The following FAM161B variants were observed in gnomAD, a reference collection of about 807,000 sequenced individuals.
FAM161B encodes protein FAM161B.
A neutral mutation model predicts 61.5 loss-of-function variants in FAM161B; 46 were observed. That is an observed-to-expected ratio of 0.75 (90% CI 0.59 to 0.96). The LOEUF (loss-of-function observed/expected upper bound fraction) is 0.96. Ranked by LOEUF, FAM161B falls within the 40% of genes least tolerant of loss-of-function variation. FAM161B has a pLI of 0.00. For synonymous variants in FAM161B, 284 were observed against 302.7 expected (o/e 0.94, Z 0.64); for missense variants, 774 against 800.7 (o/e 0.97, Z 0.40).
Position 73,945,599 on chromosome 14 carries a change from T to G in FAM161B, c.374+687A>C, listed in dbSNP as rs568496784. ...ACCTGCCACCATGCCCGGCTAATTT[T>G]TTTATATTTTTAGTAGAGACGGGGT... On this transcript the variant is annotated intron_variant, in intron 2 of 8. Coordinates refer to ENST00000286544, the MANE Select transcript of FAM161B (RefSeq NM_152445.3). Among the ~76,000 whole-genome samples, 5 of 152,136 alleles carry G rather than the reference T, an allele frequency of 3.3e-5. No individual in the cohort carries two copies. The South Asian group carries it at 1.0e-3, about 32-fold the overall frequency.
At chr14:73,938,853 T>A (rs2055994311) in intron 5 of FAM161B, among the ~76,000 whole-genome samples, 2 of 152,166 alleles carry the variant, frequency 1.3e-5, no homozygotes, top group East Asian at 3.9e-4. Flanking sequence ...TTTTAATGAA[T>A]GGGGCATGTA....
At chr14:73,931,618 C>T, downstream of FAM161B, 1 of 1,322,802 alleles carries the variant, frequency 7.6e-7, no homozygotes, top group South Asian at 1.2e-5. Flanking sequence ...TGCCTTAGCC[C>T]ACAACAGAAC....
intron 8 of FAM161B, among the ~76,000 whole-genome samples, chr14:73,935,738 C>T (rs368764525): frequency 2.0e-5 from 3 of 152,052 alleles, no homozygotes; most frequent in East Asian, 1.9e-4. Flanking sequence ...TGGAAGAAAA[C>T]GAAACATAAT....
At chr14:73,934,470 A>C (rs2055954309) in intron 8 of FAM161B, 76 bp from the exon 9 acceptor site, 1 of 1,427,440 alleles carries the variant, frequency 7.0e-7, no homozygotes, top group Non-Finnish European at 9.4e-7. Context: ...CCCAGGCTGG[A>C]GTGCAGTGGC....
downstream of FAM161B, among the ~76,000 whole-genome samples, chr14:73,928,456 G>C (rs1021647996): frequency 1.3e-5 from 2 of 152,160 alleles, no homozygotes; most frequent in African/African-American, 4.8e-5. Context: ...TTTTATCCTG[G>C]GGGCACTGAA....
intron 3 of FAM161B, 66 bp from the exon 4 acceptor site, chr14:73,942,781 T>C (rs2056031333): frequency 2.1e-6 from 3 of 1,440,804 alleles, no homozygotes. Flanking sequence ...TTGGAGAACT[T>C]TCCCTCTTTT....
the FAM161B span, among the ~76,000 whole-genome samples, chr14:73,925,934 T>C: frequency 1.1e-4 from 17 of 152,098 alleles, no homozygotes; most frequent in Non-Finnish European, 7.4e-5. Context: ...CTCGGGAGGC[T>C]GAAGTAGGAG....
At chr14:73,944,931 G>T in intron 2 of FAM161B, 46 bp from the exon 3 acceptor site, 1 of 1,450,782 alleles carries the variant, frequency 6.9e-7, no homozygotes. Flanking sequence ...GCAGTCAGGA[G>T]GCCCTGCTCC....
At chr14:73,923,464 T>C in the FAM161B span, 3 of 1,614,066 alleles carry the variant, frequency 1.9e-6, no homozygotes, top group Admixed American at 1.7e-5. Context: ...CTGGTGACCA[T>C]GCAGTCAGGG....
In FAM161B at chr14:73,940,917, A is replaced by C. The variant is rs985654268; in HGVS notation, c.1400+9T>G. 13 of 1,605,238 alleles carry C rather than the reference A, an allele frequency of 8.1e-6. No individual in the cohort carries two copies. The highest frequency in any genetic ancestry group is 1.0e-5 in the Non-Finnish European group (12 of 1,176,284). On this transcript the variant is annotated intron_variant, in intron 5 of 8. Transcript: ENST00000286544. The stretch of plus-strand genomic sequence containing the variant: ...CAGAGCATGGGTCTCGTGCAGCCTG[A>C]CCACTCACCTGACTGCAGATTCCCT...
chr14:73,949,928 T>C (rs1242335840), intron 1 of FAM161B, 45 bp downstream of exon 1: 1 of 1,609,026 alleles, frequency 6.2e-7, no homozygotes, highest in South Asian at 1.1e-5. Context: ...AACAGTTTCC[T>C]CTCCGGGATT....
chr14:73,927,089 A>ATTT (rs113156661), downstream of FAM161B: 257 of 151,770 alleles, frequency 1.7e-3, no homozygotes, highest in South Asian at 4.7e-3. Context: ...GTTTATTATG[A>ATTT]TTTTTTTTTT....
rs2056118480 is a variant in FAM161B, at chr14:73,949,858, C to T, written c.54+115G>A. The T allele has an allele frequency of 2.8e-6, 4 of 1,449,982 alleles. No individual in the cohort carries two copies. In the South Asian group the frequency reaches 5.3e-5, roughly 19 times the overall value. 89.8% of individuals were successfully genotyped at this position (1,449,982 alleles called of 1,614,324 possible). A position where few individuals can be genotyped will look rare whatever the true frequency, so the allele number is the denominator to read the frequency against. On this transcript the variant is annotated intron_variant, in intron 1 of 8. Transcript: ENST00000286544. ...GTCCGCCTCCTGGTCCCTAAACGCT[C>T]ATTTTAATCCCACGCCCCTCCGTGA...
At chr14:73,935,282 C>CT (rs1031779949) in intron 8 of FAM161B, among the ~76,000 whole-genome samples, 3 of 151,998 alleles carry the variant, frequency 2.0e-5, no homozygotes, top group African/African-American at 4.8e-5. Context: ...AATCCCAGCA[C>CT]TTTGGGAGGC....
Position 73,932,801 on chromosome 14 carries a change from T to C in FAM161B, c.*1455A>G. 4.7e-6 allele frequency: 1 copy of C among 211,980 alleles called. No homozygotes were observed. 13.1% of individuals were successfully genotyped at this position (211,980 alleles called of 1,614,324 possible). ...CACCAGTCCAGCTAACTTTTTGTGGTTTTTTTGGTAGAAATGAGGTCTGTG... is the reference window on the plus strand; with the variant it reads ...CACCAGTCCAGCTAACTTTTTGTGGCTTTTTTGGTAGAAATGAGGTCTGTG... On this transcript the variant is annotated 3_prime_UTR_variant, in exon 9 of 9. Transcript: ENST00000286544.
In FAM161B at chr14:73,942,392, C is replaced by T. The variant is rs1040383825; in HGVS notation, c.1249G>A (p.Ala417Thr). 6.2e-7 allele frequency: 1 copy of T among 1,614,012 alleles called. No homozygotes were observed. The highest frequency in any genetic ancestry group is 1.7e-4 in the Middle Eastern group (1 of 6,018). Residue 417 changes from alanine (A) to threonine (T), a missense_variant, in exon 4 of 9, where the codon GCT becomes ACT. Physicochemically the swap from Ala to Thr is moderately conservative, Grantham distance 58. Transcript: ENST00000286544. ...ACCTGCCTCCTTCCGGTGGTGGCAG[C>T]ATCACAGGGCCGCTGAGGGTGGCGC... The part of the protein sequence containing the change: ...NLRHPQRPCD[A>T]ATTGRRQDSP...
At chr14:73,936,153 A>C in intron 7 of FAM161B, 65 bp from the exon 8 acceptor site, 3 of 1,503,718 alleles carry the variant, frequency 2.0e-6, no homozygotes, top group Non-Finnish European at 2.7e-6. Context: ...TAAATTACTT[A>C]ATCAGTATTG....
rs2056111904 is a variant in FAM161B, at chr14:73,949,665, G to A, written c.54+308C>T. Among the ~76,000 whole-genome samples the A allele has an allele frequency of 2.0e-5, 3 of 151,510 alleles. No homozygotes were observed. In the Admixed American group the frequency reaches 2.0e-4, roughly 10 times the overall value. ...TGAACCACCACGCCCGGCCAAATTT[G>A]GGGAGCAATTTTCTTAATCTCTTTG... On this transcript the variant is annotated intron_variant, in intron 1 of 8. Coordinates refer to ENST00000286544, the MANE Select transcript of FAM161B (RefSeq NM_152445.3).
chr14:73,931,414 A>G, downstream of FAM161B: 1 of 1,178,510 alleles, frequency 8.5e-7, no homozygotes, highest in Non-Finnish European at 1.2e-6. Context: ...TGCATTCTCC[A>G]TCCTCCACTC....
Sources: gnomAD v4.1 joint callset for allele counts (sites outside exome capture counted in the v4.1 genomes callset) on GRCh38, gnomAD v4.1.1 for gene constraint, MANE v1.5 for transcripts, NCBI Gene and HGNC (gene_info 2026-07-23, HGNC 2026-07-21) for gene names.